IKZF1: variants seen among roughly 807,000 people sequenced by gnomAD.
IKZF1 encodes IKAROS family zinc finger 1.
In IKZF1, 10 loss-of-function variants were observed where a neutral mutation model predicts 51.7. That is an observed-to-expected ratio of 0.19 (90% CI 0.12 to 0.33). The LOEUF is 0.33. Ranked by LOEUF, IKZF1 falls within the 10% of genes least tolerant of loss-of-function variation. The pLI is 1.00. For synonymous variants in IKZF1, 280 were observed against 282.3 expected (o/e 0.99, Z 0.08); for missense variants, 484 against 707.5 (o/e 0.68, Z 3.58).
chr7:50,380,407 C>A (rs555270460), intron 4 of IKZF1, among the ~76,000 whole-genome samples: 2 of 152,320 alleles, frequency 1.3e-5, no homozygotes, highest in Admixed American at 1.3e-4. Context: ...TTTCTGTCTG[C>A]GATGGGCAGA....
rs563037647 is a variant in IKZF1 at position 50,327,987 on chromosome 7, A to C, written c.160+230A>C. 10 of 501,164 alleles carry C rather than the reference A, an allele frequency of 2.0e-5. No individual in the cohort carries two copies. The South Asian group carries it at 2.8e-4, about 14-fold the overall frequency. 31.0% of individuals were successfully genotyped at this position (501,164 alleles called of 1,614,324 possible). On this transcript the variant is annotated intron_variant, in intron 3 of 7. Coordinates refer to ENST00000331340, the MANE Select transcript of IKZF1 (RefSeq NM_006060.6). ...AGCCACACACCCCGCAAAATGTCCA[A>C]GTTGAGGAGCAATCCTGCCCAGGGA... is the stretch of plus-strand genomic sequence containing the variant.
intron 5 of IKZF1, among the ~76,000 whole-genome samples, chr7:50,385,324 A>ATTGTGGAATG (rs1307188756): frequency 1.3e-5 from 2 of 152,184 alleles, no homozygotes; most frequent in Non-Finnish European, 1.5e-5. Context: ...ACTCTACTCC[A>ATTGTGGAATG]TTGTGGAATG....
intron 3 of IKZF1, among the ~76,000 whole-genome samples, chr7:50,358,756 G>A (rs114104866): frequency 0.013 from 2,011 of 152,072 alleles, 48 homozygotes; most frequent in African/African-American, 0.046. Flanking sequence ...ATAGTGAGAC[G>A]ACCATGGAGA....
intron 3 of IKZF1, among the ~76,000 whole-genome samples, chr7:50,352,508 C>T (rs1156705409): frequency 1.3e-5 from 2 of 152,166 alleles, no homozygotes; most frequent in Admixed American, 6.5e-5. Context: ...GTTTTACTTT[C>T]TTTCTCATTC....
intron 3 of IKZF1, among the ~76,000 whole-genome samples, chr7:50,351,118 C>T (rs1801755458): frequency 1.3e-5 from 2 of 152,184 alleles, no homozygotes; most frequent in African/African-American, 4.8e-5. Flanking sequence ...ATCACCAAAA[C>T]ATTTACCACA....
At chr7:50,352,052 C>A (rs972564704) in intron 3 of IKZF1, among the ~76,000 whole-genome samples, 6 of 152,210 alleles carry the variant, frequency 3.9e-5, no homozygotes, top group African/African-American at 1.4e-4. Context: ...TTTTCTTATT[C>A]ATTCCTTCAG....
At chr7:50,360,171 G>A (rs1264334577) in intron 3 of IKZF1, among the ~76,000 whole-genome samples, 1 of 151,856 alleles carries the variant, frequency 6.6e-6, no homozygotes, top group Non-Finnish European at 1.5e-5. Flanking sequence ...GACAGCAGAG[G>A]ATCCACCCTC....
intron 3 of IKZF1, among the ~76,000 whole-genome samples, chr7:50,333,764 C>T (rs1796937419): frequency 6.6e-6 from 1 of 152,130 alleles, no homozygotes; most frequent in Non-Finnish European, 1.5e-5. Flanking sequence ...TTTTTAGTTC[C>T]TTTCCCCCTT....
At chr7:50,367,173 A>T (rs1807200256) in intron 3 of IKZF1, among the ~76,000 whole-genome samples, 1 of 152,246 alleles carries the variant, frequency 6.6e-6, no homozygotes, top group Non-Finnish European at 1.5e-5. Context: ...AGCAAAGTTC[A>T]GTAGGTCTGC....
intron 7 of IKZF1, among the ~76,000 whole-genome samples, chr7:50,392,170 T>TA (rs923780738): frequency 4.6e-5 from 7 of 152,208 alleles, no homozygotes; most frequent in African/African-American, 1.4e-4. Context: ...AGTTTGGGCC[T>TA]GGCTCGTCCG....
chr7:50,356,721 A>C (rs1562814376), intron 3 of IKZF1, among the ~76,000 whole-genome samples: 1 of 152,018 alleles, frequency 6.6e-6, no homozygotes, highest in Non-Finnish European at 1.5e-5. Context: ...CTTTTCCTGC[A>C]TTCCTATATT....
At chr7:50,330,805 G>A (rs138530697) in intron 3 of IKZF1, among the ~76,000 whole-genome samples, 5 of 152,222 alleles carry the variant, frequency 3.3e-5, no homozygotes, top group African/African-American at 4.8e-5. Flanking sequence ...ACTGTAAGGA[G>A]TGCACAGCAG....
At chr7:50,348,371 G>T (rs1234924312) in intron 3 of IKZF1, among the ~76,000 whole-genome samples, 1 of 152,184 alleles carries the variant, frequency 6.6e-6, no homozygotes, top group Non-Finnish European at 1.5e-5. Context: ...TTTGTAAGAT[G>T]CCCCACACGT....
intron 1 of IKZF1, among the ~76,000 whole-genome samples, chr7:50,309,668 G>C (rs1789683912): frequency 6.6e-6 from 1 of 152,170 alleles, no homozygotes; most frequent in Non-Finnish European, 1.5e-5. Context: ...ATGTGGTTTA[G>C]ATTAGAGTCC....
intron 1 of IKZF1, among the ~76,000 whole-genome samples, chr7:50,306,093 G>T (rs537160972): frequency 1.3e-5 from 2 of 152,268 alleles, no homozygotes; most frequent in Non-Finnish European, 2.9e-5. Context: ...GATCATTTGG[G>T]CTATGGCTTA....
At chr7:50,382,963 A>G (rs1051432038) in intron 5 of IKZF1, among the ~76,000 whole-genome samples, 1 of 152,132 alleles carries the variant, frequency 6.6e-6, no homozygotes, top group Non-Finnish European at 1.5e-5. Flanking sequence ...CACCTTAGGT[A>G]GCATGTTTCA....
intron 3 of IKZF1, among the ~76,000 whole-genome samples, chr7:50,374,867 T>A (rs1392051142): frequency 2.0e-5 from 3 of 152,124 alleles, no homozygotes; most frequent in Admixed American, 6.5e-5. Flanking sequence ...GATCTCTAAA[T>A]CGAGAGGAAC....
At position 50,382,714 on chromosome 7, in the gene IKZF1, C is replaced by A; in HGVS notation, c.589+7C>A. ...CACCTGAGGACGCACTCCGGTAGGTCCCCTGGATGCAGTCCGGGGCTGTCT... is the reference window on the plus strand; with the variant it reads ...CACCTGAGGACGCACTCCGGTAGGTACCCTGGATGCAGTCCGGGGCTGTCT... On this transcript the variant is annotated splice_region_variant and intron_variant, in intron 5 of 7. Transcript: ENST00000331340. The A allele has an allele frequency of 6.2e-7, 1 of 1,602,480 alleles. No homozygotes were observed. The highest frequency in any genetic ancestry group is 8.5e-7 in the Non-Finnish European group (1 of 1,178,390).
At chr7:50,336,481 T>G (rs1404457277) in intron 3 of IKZF1, among the ~76,000 whole-genome samples, 1 of 152,068 alleles carries the variant, frequency 6.6e-6, no homozygotes, top group African/African-American at 2.4e-5. Flanking sequence ...GGTGTGGTGC[T>G]GGAAAGGGAA....
Sources: gnomAD v4.1 joint callset for allele counts (sites outside exome capture counted in the v4.1 genomes callset) on GRCh38, gnomAD v4.1.1 for gene constraint, MANE v1.5 for transcripts, NCBI Gene and HGNC (gene_info 2026-07-23, HGNC 2026-07-21) for gene names.